The following RAP1GAP2 variants were observed in gnomAD, a reference collection of about 807,000 sequenced individuals.
The protein encoded by RAP1GAP2 is RAP1 GTPase activating protein 2, also known as rap1 GTPase-activating protein 2.
Under a neutral mutation model 95.0 loss-of-function variants are expected in RAP1GAP2, and 27 were observed. That is an observed-to-expected ratio of 0.28 (90% CI 0.21 to 0.39). The LOEUF is 0.39. RAP1GAP2 is among the 10% of genes least tolerant of loss of function. RAP1GAP2 has a pLI of 1.00. For synonymous variants in RAP1GAP2, 373 were observed against 380.9 expected, an observed-to-expected ratio of 0.98 and a Z score of 0.24; for missense variants, 771 against 970.0, an observed-to-expected ratio of 0.79 and a Z score of 2.72.
At chr17:2,884,589 G>T (rs936362028) in intron 2 of RAP1GAP2, among the ~76,000 whole-genome samples, 7 of 152,010 alleles carry the variant, frequency 4.6e-5, no homozygotes, top group Admixed American at 2.6e-4. Flanking sequence ...GCCCAGGCTG[G>T]TCTCAAACTC....
intron 2 of RAP1GAP2, among the ~76,000 whole-genome samples, chr17:2,771,942 G>A (rs1011952213): frequency 2.0e-5 from 3 of 152,016 alleles, no homozygotes; most frequent in African/African-American, 7.2e-5. Context: ...TGTTGCCCAT[G>A]CTGGCCTTGA....
chr17:2,820,232 C>T (rs1286408152), intron 2 of RAP1GAP2, among the ~76,000 whole-genome samples: 1 of 152,132 alleles, frequency 6.6e-6, no homozygotes, highest in Non-Finnish European at 1.5e-5. Context: ...TTTCCCCTTG[C>T]CTGGCCCTCT....
At chr17:2,967,591 C>T (rs1415312409) in intron 8 of RAP1GAP2, among the ~76,000 whole-genome samples, 1 of 152,106 alleles carries the variant, frequency 6.6e-6, no homozygotes, top group African/African-American at 2.4e-5. Flanking sequence ...AAATGTGGCT[C>T]TCCCAGATGG....
At chr17:2,845,514 T>C (rs2071544756) in intron 2 of RAP1GAP2, among the ~76,000 whole-genome samples, 1 of 152,228 alleles carries the variant, frequency 6.6e-6, no homozygotes, top group Non-Finnish European at 1.5e-5. Context: ...CAGAAAAATC[T>C]CCCACATCCA....
At chr17:2,907,005 T>C (rs1383253388) in intron 3 of RAP1GAP2, among the ~76,000 whole-genome samples, 1 of 152,090 alleles carries the variant, frequency 6.6e-6, no homozygotes, top group African/African-American at 2.4e-5. Context: ...TCTGTGTTGG[T>C]TTCATTCTTT....
At chr17:2,788,384 C>T (rs1439541933) in intron 1 of RAP1GAP2, among the ~76,000 whole-genome samples, 5 of 152,158 alleles carry the variant, frequency 3.3e-5, no homozygotes, top group East Asian at 1.9e-4. Context: ...CAACCTCTAC[C>T]TCCCTGATTC....
At chr17:2,969,187 A>C (rs62091996) in intron 8 of RAP1GAP2, among the ~76,000 whole-genome samples, 1,684 of 69,580 alleles carry the variant, frequency 0.024, 11 homozygotes, top group Non-Finnish European at 0.042. Context: ...ATCTATATAT[A>C]TATATATCTG....
chr17:2,859,341 C>T (rs765977539), intron 2 of RAP1GAP2, among the ~76,000 whole-genome samples: 30 of 149,466 alleles, frequency 2.0e-4, no homozygotes, highest in Admixed American at 1.6e-3. Flanking sequence ...GAACTCCTGG[C>T]CTTAAGTGAT....
At chr17:2,956,429 G>A (rs1158827674) in intron 3 of RAP1GAP2, among the ~76,000 whole-genome samples, 1 of 152,226 alleles carries the variant, frequency 6.6e-6, no homozygotes, top group East Asian at 1.9e-4. Context: ...GCGGGTCTGG[G>A]AATTCTGGGA....
Position 2,797,996 on chromosome 17 carries a change from A to G in RAP1GAP2, c.44+1425A>G, listed in dbSNP as rs191573862. On this transcript the variant is annotated intron_variant, in intron 1 of 24. Coordinates refer to ENST00000254695, the MANE Select transcript of RAP1GAP2 (RefSeq NM_015085.5). This position sits in a 1 kb window ranked among gnomAD's most constrained non-coding sequence, Gnocchi z 5.6. ...CGGTCTCAGCCTAGCTTCATTCCAT[A>G]TGAAGCCCTCTGTGTTGAGACCCAC... Among the ~76,000 whole-genome samples, 591 of 152,244 alleles carry G rather than the reference A, an allele frequency of 3.9e-3. 3 individuals are homozygous for G. Among genetic ancestry groups the G allele is most frequent in the African/African-American group, 0.013 (556 of 41,552 alleles).
chr17:2,786,642 T>A (rs2068783771), intron 1 of RAP1GAP2, among the ~76,000 whole-genome samples: 4 of 57,622 alleles, frequency 6.9e-5, no homozygotes, highest in Admixed American at 4.4e-4. Context: ...TTTCTTCAAT[T>A]TTTTTTTTTT....
Position 2,991,256 on chromosome 17 carries a change from A to G in RAP1GAP2, c.814-41A>G, listed in dbSNP as rs958503172. The stretch of plus-strand genomic sequence containing the variant: ...TATTCCTTCCTTTAGCATCAGAAAG[A>G]ATTTTTCTAATTCCTGCCCTTATTC... On this transcript the variant is annotated intron_variant, in intron 11 of 24. Coordinates refer to ENST00000254695, the MANE Select transcript of RAP1GAP2 (RefSeq NM_015085.5). 13 of 1,473,448 alleles carry G rather than the reference A, an allele frequency of 8.8e-6. No homozygotes were observed. The African/African-American group carries it at 1.8e-4, about 21-fold the overall frequency. The allele number at this position is 1,473,448 out of a possible 1,614,324, so 91.3% of individuals were successfully genotyped here.
chr17:2,877,711 A>G (rs1347341355), intron 2 of RAP1GAP2, among the ~76,000 whole-genome samples: 1 of 152,210 alleles, frequency 6.6e-6, no homozygotes, highest in Non-Finnish European at 1.5e-5. Flanking sequence ...AGATTGCGCC[A>G]CTGTACTTCA....
chr17:2,901,428 G>A (rs532665466), intron 2 of RAP1GAP2, among the ~76,000 whole-genome samples: 6 of 152,164 alleles, frequency 3.9e-5, no homozygotes, highest in Admixed American at 3.3e-4. Flanking sequence ...CCTCTCATGG[G>A]TCCTTGTGGG....
At chr17:2,799,509 G>A (rs2069192188) in intron 1 of RAP1GAP2, among the ~76,000 whole-genome samples, 1 of 152,162 alleles carries the variant, frequency 6.6e-6, no homozygotes, top group Non-Finnish European at 1.5e-5. Flanking sequence ...GAAGCCTGAG[G>A]CAGCGCTGGG....
chr17:2,986,540 A>AT (rs397964863), intron 11 of RAP1GAP2, among the ~76,000 whole-genome samples: 32,120 of 145,812 alleles, frequency 0.22, 3,654 homozygotes, highest in South Asian at 0.44. Flanking sequence ...CAAGAAGATA[A>AT]TTTTTTTTTT....
In RAP1GAP2 at chr17:2,962,093, G is replaced by C. The variant is rs145727570; in HGVS notation, c.202-577G>C. Reference sequence around the variant, plus strand: ...AATTTTGTATTTTTAGTAGAGACAGGGTTTCTCCATGTTGGTCAGGCTGGT... The same window carrying C: ...AATTTTGTATTTTTAGTAGAGACAGCGTTTCTCCATGTTGGTCAGGCTGGT... On this transcript the variant is annotated intron_variant, in intron 4 of 24. Coordinates refer to ENST00000254695, the MANE Select transcript of RAP1GAP2 (RefSeq NM_015085.5). Among the ~76,000 whole-genome samples the C allele has an allele frequency of 9.6e-3, 1,454 of 152,026 alleles. 22 individuals are homozygous for C. Among genetic ancestry groups the C allele is most frequent in the African/African-American group, 0.033 (1,375 of 41,452 alleles).
chr17:3,018,230 G>A, intron 18 of RAP1GAP2, 32 bp downstream of exon 18: 1 of 1,533,210 alleles, frequency 6.5e-7, no homozygotes, highest in Non-Finnish European at 8.8e-7. Flanking sequence ...GGCGGCAAGT[G>A]GGTCCCAGGG....
chr17:2,851,296 G>C (rs1433971910), intron 2 of RAP1GAP2, among the ~76,000 whole-genome samples: 3 of 152,060 alleles, frequency 2.0e-5, no homozygotes, highest in African/African-American at 7.2e-5. Flanking sequence ...TTTCTTTCTT[G>C]CCCTGGTCTC....
Sources: gnomAD v4.1 joint callset for allele counts (sites outside exome capture counted in the v4.1 genomes callset) on GRCh38, gnomAD v4.1.1 for gene constraint, Gnocchi (gnomAD v3.1) non-coding constraint, MANE v1.5 for transcripts, NCBI Gene and HGNC (gene_info 2026-07-23, HGNC 2026-07-21) for gene names.